Variants in TASP1 observed in about 807,000 individuals in gnomAD.
TASP1 encodes taspase 1.
In TASP1, 16 loss-of-function variants were observed where a neutral mutation model predicts 56.6. The ratio of observed to expected loss-of-function variants is 0.28; its 90% CI spans 0.19 to 0.43. The LOEUF is 0.43. Among genes scored for constraint, TASP1 ranks in the 20% least tolerant of loss-of-function variants. The pLI, the probability that TASP1 is intolerant of heterozygous loss-of-function variation, is 1.00. For missense variants in TASP1, 393 were observed against 511.6 expected (o/e 0.77, Z 2.24); for synonymous variants, 179 against 184.2 (o/e 0.97, Z 0.23).
At chr20:13,478,100 C>T (rs1160618161) in intron 11 of TASP1, among the ~76,000 whole-genome samples, 2 of 152,096 alleles carry the variant, frequency 1.3e-5, no homozygotes, top group African/African-American at 4.8e-5. Context: ...TTACTAGCTA[C>T]TTTAGGAAAA....
chr20:13,402,785 A>G (rs2041785393), intron 13 of TASP1, among the ~76,000 whole-genome samples: 1 of 152,204 alleles, frequency 6.6e-6, no homozygotes, highest in Non-Finnish European at 1.5e-5. Context: ...ATTGGCCACT[A>G]TTGTGAAATG....
chr20:13,498,351 G>A (rs1190091766), intron 10 of TASP1, among the ~76,000 whole-genome samples: 1 of 142,648 alleles, frequency 7.0e-6, no homozygotes, highest in African/African-American at 2.5e-5. Flanking sequence ...GTGTGTGTGT[G>A]TGTGTGTGTG....
the TASP1 span, among the ~76,000 whole-genome samples, chr20:13,117,258 G>T: frequency 7.9e-5 from 12 of 152,214 alleles, no homozygotes; most frequent in African/African-American, 2.9e-4. Context: ...CTGATTGTTT[G>T]CTTGAGAATT....
At chr20:13,136,724 A>T in the TASP1 span, among the ~76,000 whole-genome samples, 5 of 147,746 alleles carry the variant, frequency 3.4e-5, no homozygotes, top group African/African-American at 1.2e-4. Flanking sequence ...TATAATATAT[A>T]AATAAAAGTT....
the TASP1 span, among the ~76,000 whole-genome samples, chr20:13,297,926 A>AG: frequency 1.3e-5 from 2 of 152,096 alleles, no homozygotes; most frequent in Non-Finnish European, 2.9e-5. Flanking sequence ...TTCCTCTTTG[A>AG]GGCGCCTTGC....
downstream of TASP1, among the ~76,000 whole-genome samples, chr20:13,387,184 A>ATTTTTTTTTTTTTTTTTTTTTTT (rs779048448): frequency 1.7e-4 from 12 of 70,702 alleles, 1 homozygote; most frequent in African/African-American, 7.3e-4. Context: ...ACATGATTTC[A>ATTTTTTTTTTTTTTTTTTTTTTT]TTTTTTTTTT....
the TASP1 span, among the ~76,000 whole-genome samples, chr20:13,376,829 T>A: frequency 2.0e-5 from 3 of 152,226 alleles, no homozygotes; most frequent in Admixed American, 6.5e-5. Context: ...TATTTTATTC[T>A]CTTTGTAGCA....
chr20:13,362,988 G>T, the TASP1 span, among the ~76,000 whole-genome samples: 1 of 151,596 alleles, frequency 6.6e-6, no homozygotes, highest in African/African-American at 2.4e-5. Flanking sequence ...TTGTAGATTG[G>T]GGTGATCTAG....
chr20:13,333,909 T>A, the TASP1 span, among the ~76,000 whole-genome samples: 1 of 152,210 alleles, frequency 6.6e-6, no homozygotes, highest in African/African-American at 2.4e-5. Flanking sequence ...ACGTATTTAC[T>A]CAGGGAGCAC....
intron 10 of TASP1, among the ~76,000 whole-genome samples, chr20:13,509,772 G>A (rs1336720472): frequency 4.6e-5 from 7 of 152,086 alleles, no homozygotes; most frequent in East Asian, 1.9e-4. Flanking sequence ...GACTACAGGC[G>A]CGCACCATCA....
At chr20:13,134,606 A>G in the TASP1 span, among the ~76,000 whole-genome samples, 1 of 152,204 alleles carries the variant, frequency 6.6e-6, no homozygotes, top group Admixed American at 6.5e-5. Context: ...TTTCTGAATC[A>G]GCTGTTTTAA....
chr20:13,202,260 G>T, the TASP1 span, among the ~76,000 whole-genome samples: 1 of 152,180 alleles, frequency 6.6e-6, no homozygotes, highest in Non-Finnish European at 1.5e-5. Context: ...CCAACATGAT[G>T]TCATTCAATG....
At chr20:13,357,025 C>G in the TASP1 span, among the ~76,000 whole-genome samples, 1 of 152,082 alleles carries the variant, frequency 6.6e-6, no homozygotes, top group African/African-American at 2.4e-5. Context: ...CTCTTTCATT[C>G]AAATGTTTAT....
chr20:13,420,900 G>C, intron 12 of TASP1, among the ~76,000 whole-genome samples: 1 of 152,114 alleles, frequency 6.6e-6, no homozygotes, highest in South Asian at 2.1e-4. Flanking sequence ...TATAGATAAG[G>C]ATTTGTACTT....
chr20:13,115,528 C>A, the TASP1 span, among the ~76,000 whole-genome samples: 1 of 152,166 alleles, frequency 6.6e-6, no homozygotes, highest in Non-Finnish European at 1.5e-5. Context: ...CTATTTGTGG[C>A]ATGTCAGGTT....
intron 1 of TASP1, among the ~76,000 whole-genome samples, chr20:13,637,152 C>T (rs1033255523): frequency 6.6e-6 from 1 of 152,192 alleles, no homozygotes; most frequent in Non-Finnish European, 1.5e-5. Context: ...AGATGCTCAA[C>T]ATTATTAGCC....
chr20:13,153,297 C>G, the TASP1 span, among the ~76,000 whole-genome samples: 1 of 152,174 alleles, frequency 6.6e-6, no homozygotes, highest in African/African-American at 2.4e-5. Context: ...ACTTAGGACA[C>G]AGGCTATAAG....
chr20:13,252,599 A>T, the TASP1 span, among the ~76,000 whole-genome samples: 2 of 152,064 alleles, frequency 1.3e-5, no homozygotes, highest in Non-Finnish European at 2.9e-5. Flanking sequence ...AAAAATACAA[A>T]AATACATTAG....
the TASP1 span, chr20:13,299,134 A>G: frequency 6.2e-7 from 1 of 1,612,910 alleles, no homozygotes. This position sits in a 1 kb window ranked among gnomAD's most constrained non-coding sequence, Gnocchi z 5.8. Flanking sequence ...CCCAAGGAGA[A>G]GCTGGAGATC....
Sources: allele counts gnomAD v4.1 joint callset (sites outside exome capture counted in the v4.1 genomes callset), GRCh38; gene constraint gnomAD v4.1.1; non-coding constraint Gnocchi (gnomAD v3.1); transcripts MANE v1.5; gene names NCBI Gene and HGNC (gene_info 2026-07-23, HGNC 2026-07-21).